CNTN5: variants seen among roughly 807,000 people sequenced by gnomAD.
CNTN5 encodes contactin-5.
A neutral mutation model predicts 129.1 loss-of-function variants in CNTN5; 77 were observed. That is an observed-to-expected ratio of 0.60 (90% CI 0.50 to 0.72). The LOEUF is 0.72. Among genes scored for constraint, CNTN5 ranks in the 30% least tolerant of loss-of-function variants. The pLI is 0.00. For synonymous variants in CNTN5, 509 were observed against 465.6 expected, an observed-to-expected ratio of 1.09 and a Z score of -1.20; for missense variants, 1,478 against 1,328.8, an observed-to-expected ratio of 1.11 and a Z score of -1.75.
chr11:99,271,600 G>A (rs759546008), intron 1 of CNTN5, among the ~76,000 whole-genome samples: 6 of 151,814 alleles, frequency 4.0e-5, no homozygotes, highest in Non-Finnish European at 7.4e-5. Flanking sequence ...ACTAAGTAGG[G>A]TATTTCTGGC....
At chr11:99,496,353 A>G (rs1946225894) in intron 2 of CNTN5, among the ~76,000 whole-genome samples, 1 of 152,164 alleles carries the variant, frequency 6.6e-6, no homozygotes, top group Admixed American at 6.5e-5. Context: ...GGCTCACTGC[A>G]GTGAAAATGA....
At chr11:99,220,450 A>G (rs1368972067) in intron 1 of CNTN5, among the ~76,000 whole-genome samples, 1 of 151,946 alleles carries the variant, frequency 6.6e-6, no homozygotes, top group East Asian at 1.9e-4. Flanking sequence ...AAACAATTTT[A>G]TATTTACAAA....
chr11:99,467,237 G>C (rs530427728), intron 2 of CNTN5, among the ~76,000 whole-genome samples: 1 of 151,770 alleles, frequency 6.6e-6, no homozygotes, highest in East Asian at 1.9e-4. Context: ...CTATATTTGC[G>C]CTTTTTTGGG....
At position 99,396,458 on chromosome 11, in the gene CNTN5, G is replaced by A. The variant is rs530604112; in HGVS notation, c.-71+70974G>A. Among the ~76,000 whole-genome samples, 31 of 151,484 alleles carry A rather than the reference G, an allele frequency of 2.0e-4. No homozygotes were observed. The South Asian group carries it at 6.4e-3, about 31-fold the overall frequency. On this transcript the variant is annotated intron_variant, in intron 2 of 24. Coordinates refer to ENST00000524871, the MANE Select transcript of CNTN5 (RefSeq NM_014361.4). ...TTTATAGTTGTGGTTGTGTAAAACA[G>A]GACCTGTTTTTATAAACCCCAGTCA...
At chr11:99,174,748 T>C (rs1452983247) in intron 1 of CNTN5, among the ~76,000 whole-genome samples, 3 of 152,006 alleles carry the variant, frequency 2.0e-5, no homozygotes, top group Admixed American at 1.3e-4. Context: ...ATTCTAGTTA[T>C]TAAATTGGTA....
rs1003257776 is a variant in CNTN5, at chr11:99,599,465, T to A, written c.55+43196T>A. ...ATAAGAAATCAAACATCCTTTAAGA[T>A]GCCAGTTGCCTGCTAAGTTACTTGT... On this transcript the variant is annotated intron_variant, in intron 3 of 24. Coordinates refer to ENST00000524871, the MANE Select transcript of CNTN5 (RefSeq NM_014361.4). Among the ~76,000 whole-genome samples, 5 of 152,304 alleles carry A rather than the reference T, an allele frequency of 3.3e-5. No homozygotes were observed. The South Asian group carries it at 6.2e-4, about 19-fold the overall frequency.
chr11:99,792,922 C>T (rs1030152011), intron 3 of CNTN5, among the ~76,000 whole-genome samples: 1 of 152,072 alleles, frequency 6.6e-6, no homozygotes. Flanking sequence ...TGCAGGTGTT[C>T]ATAGTAGTCT....
At chr11:99,135,199 C>G (rs145123213) in intron 1 of CNTN5, among the ~76,000 whole-genome samples, 269 of 152,112 alleles carry the variant, frequency 1.8e-3, no homozygotes, top group African/African-American at 5.9e-3. Flanking sequence ...AGCAGAAAGA[C>G]AGAATATGAG....
chr11:99,442,022 C>T (rs2135151682), intron 2 of CNTN5, among the ~76,000 whole-genome samples: 1 of 152,160 alleles, frequency 6.6e-6, no homozygotes, highest in African/African-American at 2.4e-5. Flanking sequence ...TAATCTCCTC[C>T]AGGATGTTTC....
rs776283929 is a variant in CNTN5, at chr11:99,497,586, C to T, written c.-70-58559C>T. Among the ~76,000 whole-genome samples the T allele has an allele frequency of 3.9e-5, 6 of 152,146 alleles. No individual in the cohort carries two copies. In the South Asian group the frequency reaches 8.3e-4, roughly 21 times the overall value. ...AGCAAACAAAAAGGGAGGAAACAAA[C>T]GAATAAAAACAGAATATTCAAAAAG... On this transcript the variant is annotated intron_variant, in intron 2 of 24. Coordinates refer to ENST00000524871, the MANE Select transcript of CNTN5 (RefSeq NM_014361.4).
At chr11:100,318,222 T>C (rs376772944) in intron 21 of CNTN5, among the ~76,000 whole-genome samples, 76 of 120,274 alleles carry the variant, frequency 6.3e-4, no homozygotes, top group African/African-American at 2.3e-3. Flanking sequence ...GCCTGGGCAA[T>C]AGAGCGAGAC....
chr11:99,450,576 C>T (rs1465284256), intron 2 of CNTN5, among the ~76,000 whole-genome samples: 1 of 152,038 alleles, frequency 6.6e-6, no homozygotes, highest in Non-Finnish European at 1.5e-5. Flanking sequence ...CAGTCATTTG[C>T]CTGAGGCCAC....
chr11:99,362,954 C>G (rs941131211), intron 2 of CNTN5, among the ~76,000 whole-genome samples: 4 of 151,946 alleles, frequency 2.6e-5, no homozygotes, highest in African/African-American at 4.8e-5. Context: ...AAGCATGAGT[C>G]TTCCAACTTT....
At chr11:99,457,650 AAT>A (rs1944545296) in intron 2 of CNTN5, among the ~76,000 whole-genome samples, 1 of 151,820 alleles carries the variant, frequency 6.6e-6, no homozygotes, top group East Asian at 1.9e-4. Flanking sequence ...TTTAAATTGA[AAT>A]ATGTTTTTAA....
chr11:99,878,952 A>G (rs1244314477), intron 6 of CNTN5, among the ~76,000 whole-genome samples: 1 of 152,104 alleles, frequency 6.6e-6, no homozygotes, highest in Non-Finnish European at 1.5e-5. Flanking sequence ...TTTTCTCTTG[A>G]GACGGAGTCT....
At chr11:99,165,830 C>G (rs1164641213) in intron 1 of CNTN5, among the ~76,000 whole-genome samples, 1 of 152,132 alleles carries the variant, frequency 6.6e-6, no homozygotes, top group Non-Finnish European at 1.5e-5. Flanking sequence ...AGTATACCAA[C>G]CTTCATATCA....
At chr11:99,878,387 G>C (rs74449570) in intron 6 of CNTN5, among the ~76,000 whole-genome samples, 1,710 of 152,244 alleles carry the variant, frequency 0.011, 20 homozygotes, top group African/African-American at 0.039. Flanking sequence ...GGACTGAAGT[G>C]GGGATAAATA....
intron 15 of CNTN5, among the ~76,000 whole-genome samples, chr11:100,223,988 G>GTAC (rs5794044): frequency 0.23 from 35,355 of 151,734 alleles, 5,332 homozygotes; most frequent in East Asian, 0.58. Flanking sequence ...ATCCTCCATG[G>GTAC]TACTCATTGA....
chr11:100,091,502 C>T (rs1458093218), intron 13 of CNTN5, among the ~76,000 whole-genome samples: 1 of 145,002 alleles, frequency 6.9e-6, no homozygotes, highest in East Asian at 2.1e-4. Flanking sequence ...AATCTCGGCT[C>T]ACTGCAAACT....
Sources: allele counts gnomAD v4.1 joint callset (sites outside exome capture counted in the v4.1 genomes callset), GRCh38; gene constraint gnomAD v4.1.1; transcripts MANE v1.5; gene names NCBI Gene and HGNC (gene_info 2026-07-23, HGNC 2026-07-21).